Variants in ASXL1 observed in about 807,000 individuals in gnomAD.
ASXL1 encodes the protein polycomb group protein ASXL1.
ASXL1 carries 65 observed loss-of-function variants against 89.1 expected under a neutral mutation model. That is an observed-to-expected ratio of 0.73 (90% CI 0.60 to 0.90). The LOEUF (loss-of-function observed/expected upper bound fraction) is 0.90. Ranked by LOEUF, ASXL1 falls within the 40% of genes least tolerant of loss-of-function variation. The pLI is 0.00. For synonymous variants in ASXL1, 739 were observed against 746.9 expected (o/e 0.99, Z 0.17); for missense variants, 1,786 against 1,942.9 (o/e 0.92, Z 1.52).
chr20:32,419,748 G>A (rs2123153934), intron 4 of ASXL1, among the ~76,000 whole-genome samples: 1 of 146,932 alleles, frequency 6.8e-6, no homozygotes, highest in Middle Eastern at 3.6e-3. Context: ...GTGGCACCAT[G>A]TCAGCTCACT....
chr20:32,387,388 A>G (rs1315784348), intron 4 of ASXL1, among the ~76,000 whole-genome samples: 1 of 152,218 alleles, frequency 6.6e-6, no homozygotes, highest in East Asian at 1.9e-4. Context: ...CCTTACTCAG[A>G]TGCCTGCTGA....
chr20:32,424,178 A>C (rs1600566232), intron 4 of ASXL1, among the ~76,000 whole-genome samples: 1 of 152,314 alleles, frequency 6.6e-6, no homozygotes, highest in Middle Eastern at 3.4e-3. Context: ...GATCACAGAA[A>C]ACAATACATG....
Position 32,435,210 on chromosome 20 carries a change from G to C in ASXL1, c.2498G>C (p.Ser833Thr). ...AAAGGAACTGGCCAAGCTCTTGACAGTCATCCCACTATGAAGGATCCTGTA... is the reference window on the plus strand; with the variant it reads ...AAAGGAACTGGCCAAGCTCTTGACACTCATCCCACTATGAAGGATCCTGTA... ...LEKGTGQALD[S>T]HPTMKDPVNV... is the part of the protein sequence containing the mutation. Residue 833 changes from serine (S) to threonine (T), a missense_variant, in exon 13 of 13, where the codon AGT (serine) becomes ACT (threonine). By Grantham distance (58) the Ser-to-Thr change is moderately conservative. Transcript: ENST00000375687. The C allele has an allele frequency of 6.2e-7, 1 of 1,613,986 alleles. No individual in the cohort carries two copies.
chr20:32,430,977 A>G, intron 8 of ASXL1: 1 of 492,728 alleles, frequency 2.0e-6, no homozygotes, highest in East Asian at 3.8e-5. Context: ...AATTCTCATG[A>G]TTTCTCCAGT....
At chr20:32,416,094 G>A (rs1309572839) in intron 4 of ASXL1, among the ~76,000 whole-genome samples, 1 of 152,066 alleles carries the variant, frequency 6.6e-6, no homozygotes. Context: ...AGATATAATA[G>A]TTATATGTAT....
rs2123224489 is a variant in ASXL1 at position 32,429,996 on chromosome 20, G to A, written c.661G>A (p.Ala221Thr). 6.2e-7 allele frequency: 1 copy of A among 1,608,514 alleles called. No individual in the cohort carries two copies. The highest frequency in any genetic ancestry group is 8.5e-7 in the Non-Finnish European group (1 of 1,179,940). Reference protein sequence around the residue: ...ALGSAAIRGQAEVTQDPAPLL... With the variant: ...ALGSAAIRGQTEVTQDPAPLL... ...GGGCAGCGCTGCTATTCGTGGCCAG[G>A]CCGAGGTCACCCAGGACCCTGCCCC... The change falls in exon 8 of 13, where the codon GCC becomes ACC. Residue 221 changes from alanine (A) to threonine (T), a missense_variant. Coordinates refer to ENST00000375687, the MANE Select transcript of ASXL1 (RefSeq NM_015338.6). The surrounding 1 kb of genome is among the most constrained non-coding windows in gnomAD (Gnocchi z 4.9).
At position 32,438,475 on chromosome 20, in the gene ASXL1, C is replaced by T. The variant is rs886056606; in HGVS notation, c.*1137C>T. 4.7e-5 allele frequency: 11 copies of T among 233,512 alleles called. No individual in the cohort carries two copies. Among genetic ancestry groups the T allele is most frequent in the Non-Finnish European group, 9.3e-5 (11 of 118,080 alleles). 14.5% of individuals were successfully genotyped at this position (233,512 alleles called of 1,614,324 possible). On this transcript the variant is annotated 3_prime_UTR_variant, in exon 13 of 13. Coordinates refer to ENST00000375687, the MANE Select transcript of ASXL1 (RefSeq NM_015338.6). ...CTCGACGTGAGGGTGAAATGATTGA[C>T]TTGTGACCTGCCAGGTTGCCCGATG... is the stretch of plus-strand genomic sequence containing the variant.
intron 4 of ASXL1, among the ~76,000 whole-genome samples, chr20:32,421,869 T>TC (rs60251772): frequency 0.036 from 4,976 of 137,190 alleles, 286 homozygotes; most frequent in African/African-American, 0.13. Flanking sequence ...TTCTTTTCTT[T>TC]TTTTTTTTTT....
At chr20:32,402,122 T>C (rs2048885772) in intron 4 of ASXL1, among the ~76,000 whole-genome samples, 1 of 152,230 alleles carries the variant, frequency 6.6e-6, no homozygotes, top group African/African-American at 2.4e-5. Flanking sequence ...GCCTTTGAAA[T>C]CGATCCAAGT....
At position 32,433,686 on chromosome 20, in the gene ASXL1, C is replaced by G. The variant is rs769017790; in HGVS notation, c.1488C>G (p.Asn496Lys). 8.7e-6 allele frequency: 14 copies of G among 1,611,230 alleles called. No individual in the cohort carries two copies. The highest frequency in any genetic ancestry group is 1.2e-5 in the Non-Finnish European group (14 of 1,177,834). Residue 496 changes from asparagine to lysine, a missense_variant, in exon 12 of 13, where the codon AAC (asparagine) becomes AAG (lysine). Asn to Lys is a moderately conservative substitution (Grantham distance 94). Transcript: ENST00000375687. ...CTCGGATCCAGGCTGAGCCAGACAA[C>G]TTGGCACGTGCCTCTGCATCTCCAG... ...VASRIQAEPD[N>K]LARASASPDR...
chr20:32,372,249 G>T, intron 4 of ASXL1: 1 of 1,307,516 alleles, frequency 7.6e-7, no homozygotes. Flanking sequence ...TGTAAGCTTG[G>T]GAGTGGTCTG....
At chr20:32,385,030 C>T (rs1293590613) in intron 4 of ASXL1, among the ~76,000 whole-genome samples, 1 of 151,808 alleles carries the variant, frequency 6.6e-6, no homozygotes, top group African/African-American at 2.4e-5. Context: ...GATCTCAATC[C>T]TTCAGATCAG....
chr20:32,380,945 G>C (rs1178859917), intron 4 of ASXL1, among the ~76,000 whole-genome samples: 1 of 151,930 alleles, frequency 6.6e-6, no homozygotes, highest in East Asian at 1.9e-4. Flanking sequence ...TCACTTTTCT[G>C]CTTGGCCTTT....
intron 4 of ASXL1, among the ~76,000 whole-genome samples, chr20:32,407,549 A>G (rs2048976761): frequency 2.0e-5 from 3 of 152,096 alleles, no homozygotes; most frequent in Admixed American, 2.0e-4. Context: ...CGCAGCCTCA[A>G]CTTCCTGGGC....
intron 4 of ASXL1, among the ~76,000 whole-genome samples, chr20:32,378,810 A>C (rs2048432627): frequency 6.8e-6 from 1 of 146,934 alleles, no homozygotes. Flanking sequence ...ACCCTGTCTC[A>C]AAAAAAAAAC....
chr20:32,407,272 A>T (rs376303884), intron 4 of ASXL1, among the ~76,000 whole-genome samples: 2 of 151,706 alleles, frequency 1.3e-5, no homozygotes, highest in East Asian at 1.9e-4. Context: ...TGAACCTGGG[A>T]GGTGGAGGTT....
At chr20:32,431,746 G>A in intron 10 of ASXL1, 67 bp downstream of exon 10, 1 of 1,529,096 alleles carries the variant, frequency 6.5e-7, no homozygotes, top group Non-Finnish European at 9.0e-7. Context: ...ATGTCTCCTG[G>A]TATTTAAAAC....
chr20:32,372,185 C>G (rs1435715981), intron 4 of ASXL1: 7 of 1,343,746 alleles, frequency 5.2e-6, no homozygotes, highest in Non-Finnish European at 6.9e-6. Flanking sequence ...TGCACCAGGC[C>G]CCTTCATCTT....
chr20:32,435,029 G>C lies in ASXL1; in HGVS notation c.2317G>C (p.Glu773Gln), dbSNP rs759218892. The C allele has an allele frequency of 1.9e-6, 3 of 1,614,162 alleles. No individual in the cohort carries two copies. Among genetic ancestry groups the C allele is most frequent in the Non-Finnish European group, 2.5e-6 (3 of 1,180,042 alleles). ...PLLSSQTSVA[E>Q]RLVEQPQLHP... is the part of the protein sequence containing the mutation. ...ACTGTCCTCCCAAACCTCAGTAGCT[G>C]AGAGATTAGTGGAGCAGCCTCAGTT... Residue 773 changes from glutamate to glutamine, a missense_variant, in exon 13 of 13, where the codon GAG becomes CAG. This residue lies in a region of ASXL1 where 1,418 missense variants were observed against 1,427.8 expected (regional missense o/e 0.99). Transcript: ENST00000375687.
Sources: gnomAD v4.1 joint callset for allele counts (sites outside exome capture counted in the v4.1 genomes callset) on GRCh38, gnomAD v4.1.1 for gene constraint, gnomAD v4.1.1 regional missense constraint, Gnocchi (gnomAD v3.1) non-coding constraint, MANE v1.5 for transcripts, NCBI Gene and HGNC (gene_info 2026-07-23, HGNC 2026-07-21) for gene names.